The following ANKRD12 variants were observed in gnomAD, a reference collection of about 807,000 sequenced individuals.
ANKRD12 encodes the protein ankyrin repeat domain 12, also known as ankyrin repeat domain-containing protein 12.
In ANKRD12, 85 loss-of-function variants were observed where a neutral mutation model predicts 183.4. The observed-to-expected ratio is 0.46, with a 90% confidence interval of 0.39 to 0.56. The LOEUF (loss-of-function observed/expected upper bound fraction) is 0.56. Ranked by LOEUF, ANKRD12 falls within the 20% of genes least tolerant of loss-of-function variation. ANKRD12 has a pLI of 0.00. For synonymous variants in ANKRD12, 914 were observed against 800.2 expected, an observed-to-expected ratio of 1.14 and a Z score of -2.40; for missense variants, 2,405 against 2,357.1, an observed-to-expected ratio of 1.02 and a Z score of -0.42.
At chr18:9,250,963 G>T (rs968416582) in intron 8 of ANKRD12, among the ~76,000 whole-genome samples, 1 of 152,066 alleles carries the variant, frequency 6.6e-6, no homozygotes, top group African/African-American at 2.4e-5. Flanking sequence ...GAATATCCAG[G>T]TTAGTTGACT....
chr18:9,161,882 G>A (rs1463457026), intron 1 of ANKRD12, among the ~76,000 whole-genome samples: 1 of 150,666 alleles, frequency 6.6e-6, no homozygotes, highest in East Asian at 2.0e-4. Flanking sequence ...ACGTTTTTTA[G>A]AGACAGGGTC....
intron 8 of ANKRD12, among the ~76,000 whole-genome samples, chr18:9,231,075 T>C (rs1011122585): frequency 6.6e-6 from 1 of 152,204 alleles, no homozygotes; most frequent in African/African-American, 2.4e-5. Context: ...TTGTATAGTG[T>C]TCAAAGTTCC....
intron 8 of ANKRD12, among the ~76,000 whole-genome samples, chr18:9,237,595 G>T (rs2037420709): frequency 6.6e-6 from 1 of 152,142 alleles, no homozygotes; most frequent in South Asian, 2.1e-4. Context: ...GAGTTGTAGG[G>T]TTACTTGAAG....
intron 2 of ANKRD12, among the ~76,000 whole-genome samples, chr18:9,187,248 G>A (rs993604544): frequency 2.6e-5 from 4 of 151,218 alleles, no homozygotes; most frequent in East Asian, 1.9e-4. Flanking sequence ...CAAGACCCCC[G>A]TCTCTACCAA....
In ANKRD12 at chr18:9,256,294, G is replaced by C; in HGVS notation, c.3027G>C (p.Leu1009Phe). ...AAGAAAAAACAAAAGATGAACCTTTGAAAACTCCAGATGGAAAAGAAAAAG... is the reference window on the plus strand; with the variant it reads ...AAGAAAAAACAAAAGATGAACCTTTCAAAACTCCAGATGGAAAAGAAAAAG... ...SLKEKTKDEP[L>F]KTPDGKEKDK... The change falls in exon 9 of 13, where the codon TTG (leucine) becomes TTC (phenylalanine). Residue 1009 changes from leucine (L) to phenylalanine (F), a missense_variant. By Grantham distance (22) the Leu-to-Phe change is conservative. This residue lies in a region of ANKRD12 where 1,983 missense variants were observed against 1,725.9 expected (regional missense o/e 1.15). Coordinates refer to ENST00000262126, the MANE Select transcript of ANKRD12 (RefSeq NM_015208.5). 1 of 1,603,770 alleles carries C rather than the reference G, an allele frequency of 6.2e-7. No individual in the cohort carries two copies. Among genetic ancestry groups the C allele is most frequent in the Non-Finnish European group, 8.5e-7 (1 of 1,176,674 alleles).
chr18:9,259,207 T>C (rs146933041), intron 9 of ANKRD12, among the ~76,000 whole-genome samples: 1 of 152,294 alleles, frequency 6.6e-6, no homozygotes, highest in Non-Finnish European at 1.5e-5. Context: ...ATTAGAACTT[T>C]ATACAAACTA....
Position 9,257,738 on chromosome 18 carries a change from C to A in ANKRD12, c.4471C>A (p.Pro1491Thr), listed in dbSNP as rs767532265. Reference sequence around the variant, plus strand: ...GGCATCCTTTATGCCTCCACAGCAGCCTTGCTCTTTCCCCAGCCAATCACT... The same window carrying A: ...GGCATCCTTTATGCCTCCACAGCAGACTTGCTCTTTCCCCAGCCAATCACT... ...DPASFMPPQQ[P>T]CSFPSQSLSD... is the part of the protein sequence containing the mutation. Residue 1491 changes from proline (P) to threonine (T), a missense_variant, in exon 9 of 13, where the codon CCT (proline) becomes ACT (threonine). By Grantham distance (38) the Pro-to-Thr change is conservative (BLOSUM62 -1). Coordinates refer to ENST00000262126, the MANE Select transcript of ANKRD12 (RefSeq NM_015208.5). 3 of 1,614,044 alleles carry A rather than the reference C, an allele frequency of 1.9e-6. No homozygotes were observed. The South Asian group carries it at 3.3e-5, about 18-fold the overall frequency.
intron 1 of ANKRD12, among the ~76,000 whole-genome samples, chr18:9,140,320 C>T (rs755641507): frequency 6.6e-6 from 1 of 152,110 alleles, no homozygotes; most frequent in Non-Finnish European, 1.5e-5. Flanking sequence ...CGTAGCCCTA[C>T]CTTTATTGTT....
rs530922119 is a variant in ANKRD12 at position 9,211,491 on chromosome 18, T to C, written c.452-93T>C. ...TAGGGTGAGAAGGCATTCCTTGTGT[T>C]TCAGGAGATTAGCATATTACCAATA... On this transcript the variant is annotated intron_variant, in intron 5 of 12. Transcript: ENST00000262126. The C allele has an allele frequency of 1.9e-5, 22 of 1,164,306 alleles. 1 individual carries two copies. In the South Asian group the frequency reaches 2.5e-4, roughly 13 times the overall value. The allele number at this position is 1,164,306 out of a possible 1,614,324, so 72.1% of individuals were successfully genotyped here.
chr18:9,185,857 A>G (rs576276321), intron 2 of ANKRD12, among the ~76,000 whole-genome samples: 1 of 152,324 alleles, frequency 6.6e-6, no homozygotes, highest in South Asian at 2.1e-4. Flanking sequence ...CCATTGAAAC[A>G]TTTTAAATGA....
At chr18:9,160,790 A>C (rs765779156) in intron 1 of ANKRD12, among the ~76,000 whole-genome samples, 1 of 152,230 alleles carries the variant, frequency 6.6e-6, no homozygotes, top group Non-Finnish European at 1.5e-5. Context: ...AGTTAATATG[A>C]ATCAAGGAGC....
chr18:9,239,191 C>T (rs1055950768), intron 8 of ANKRD12, among the ~76,000 whole-genome samples: 1 of 152,180 alleles, frequency 6.6e-6, no homozygotes, highest in Non-Finnish European at 1.5e-5. Flanking sequence ...TTATGCTATT[C>T]TAAATATTAC....
chr18:9,264,372 C>G (rs1195758680), intron 10 of ANKRD12, among the ~76,000 whole-genome samples: 2 of 152,186 alleles, frequency 1.3e-5, no homozygotes, highest in Non-Finnish European at 2.9e-5. Context: ...AGTCATTTCA[C>G]TTGGATTTAC....
chr18:9,262,786 CCTT>C (rs2039051106), intron 9 of ANKRD12, among the ~76,000 whole-genome samples: 1 of 87,932 alleles, frequency 1.1e-5, no homozygotes, highest in African/African-American at 4.1e-5. Context: ...CCAAGATGTC[CCTT>C]TTTTTTTTTT....
At position 9,150,153 on chromosome 18, in the gene ANKRD12, G is replaced by C. The variant is rs1394423737; in HGVS notation, c.-52+13188G>C. ...CTTTGTCAGGCTCAGTTTCCCGAAA[G>C]GTATAATATTTAGCAGCACCAATAA... is the stretch of plus-strand genomic sequence containing the variant. On this transcript the variant is annotated intron_variant, in intron 1 of 12. Coordinates refer to ENST00000262126, the MANE Select transcript of ANKRD12 (RefSeq NM_015208.5). Among the ~76,000 whole-genome samples, 9 of 152,200 alleles carry C rather than the reference G, an allele frequency of 5.9e-5. No homozygotes were observed. The East Asian group carries it at 1.5e-3, about 26-fold the overall frequency.
At chr18:9,236,643 C>T (rs1368497343) in intron 8 of ANKRD12, among the ~76,000 whole-genome samples, 3 of 93,252 alleles carry the variant, frequency 3.2e-5, no homozygotes, top group African/African-American at 7.5e-5. Flanking sequence ...ATCCAGGAGA[C>T]GTAACAGAAC....
chr18:9,178,647 A>G (rs1029181487), intron 1 of ANKRD12, among the ~76,000 whole-genome samples: 3 of 152,188 alleles, frequency 2.0e-5, no homozygotes, highest in African/African-American at 7.2e-5. Flanking sequence ...TTTCATATAC[A>G]TTATAGAAAC....
chr18:9,225,957 A>G (rs907370746), intron 8 of ANKRD12, among the ~76,000 whole-genome samples: 29 of 151,366 alleles, frequency 1.9e-4, no homozygotes, highest in African/African-American at 6.8e-4. Context: ...TTATTTTTTG[A>G]TATGTTTTAT....
At chr18:9,265,715 TCTC>T (rs1330792557) in intron 10 of ANKRD12, among the ~76,000 whole-genome samples, 1 of 151,828 alleles carries the variant, frequency 6.6e-6, no homozygotes, top group Non-Finnish European at 1.5e-5. Context: ...TCAGAGCGCC[TCTC>T]CTCCTCCAAA....
Sources: gnomAD v4.1 joint callset for allele counts (sites outside exome capture counted in the v4.1 genomes callset) on GRCh38, gnomAD v4.1.1 for gene constraint, gnomAD v4.1.1 regional missense constraint, MANE v1.5 for transcripts, NCBI Gene and HGNC (gene_info 2026-07-23, HGNC 2026-07-21) for gene names.